Variants in PARD3B observed in about 807,000 individuals in gnomAD.
PARD3B encodes par-3 family cell polarity regulator beta.
In PARD3B, 103 loss-of-function variants were observed where a neutral mutation model predicts 130.2. The ratio of observed to expected loss-of-function variants is 0.79; its 90% confidence interval spans 0.67 to 0.93. The LOEUF (loss-of-function observed/expected upper bound fraction) is 0.93, where lower values mean the gene tolerates loss of function less well. PARD3B is among the 40% of genes least tolerant of loss of function. The pLI, the probability that PARD3B is intolerant of heterozygous loss-of-function variation, is 0.00. For missense variants in PARD3B, 1,609 were observed against 1,499.2 expected (o/e 1.07, Z -1.21); for synonymous variants, 583 against 553.2 (o/e 1.05, Z -0.76).
chr2:205,557,517 C>T (rs1372391609), intron 22 of PARD3B, among the ~76,000 whole-genome samples: 1 of 152,176 alleles, frequency 6.6e-6, no homozygotes, highest in Non-Finnish European at 1.5e-5. Flanking sequence ...GCACTGAGGG[C>T]CTGAGCTCGG....
At chr2:205,162,652 T>C (rs2034570253) in intron 11 of PARD3B, among the ~76,000 whole-genome samples, 2 of 152,226 alleles carry the variant, frequency 1.3e-5, no homozygotes, top group South Asian at 2.1e-4. Context: ...ATGAGAATGA[T>C]TTTCTAAAAT....
chr2:204,721,700 AG>A (rs1375999620), intron 2 of PARD3B, among the ~76,000 whole-genome samples: 2 of 152,148 alleles, frequency 1.3e-5, no homozygotes, highest in Non-Finnish European at 2.9e-5. Context: ...AAAATGGCAA[AG>A]GTATTTTAGT....
At chr2:204,838,024 TGGG>T (rs1195839837) in intron 2 of PARD3B, among the ~76,000 whole-genome samples, 1 of 139,196 alleles carries the variant, frequency 7.2e-6, no homozygotes, top group Non-Finnish European at 1.7e-5. Context: ...CACAGTATAA[TGGG>T]GGGAGAGACA....
intron 20 of PARD3B, among the ~76,000 whole-genome samples, chr2:205,456,834 A>G (rs2048292023): frequency 6.7e-6 from 1 of 149,694 alleles, no homozygotes; most frequent in African/African-American, 2.4e-5. Flanking sequence ...TGTATTAAAT[A>G]TAATCATTTA....
rs1691116755 is a variant in PARD3B, at chr2:204,965,130, GTGT to G, written c.223-16_223-14del. 1 of 1,609,348 alleles carries G rather than the reference GTGT, an allele frequency of 6.2e-7. No homozygotes were observed. The highest frequency in any genetic ancestry group is 1.3e-5 in the African/African-American group (1 of 74,850). ...GTATGCATGTCCTACAAAGTAATTA[GTGT>G]TGTTGGATTTGTTTGTAGCTGATTG... On this transcript the variant is annotated intron_variant, in intron 2 of 22. Coordinates refer to ENST00000406610, the MANE Select transcript of PARD3B (RefSeq NM_001302769.2).
At position 205,391,778 on chromosome 2, in the gene PARD3B, TA is replaced by T. The variant is rs2045867998; in HGVS notation, c.2631-9234del. Among the ~76,000 whole-genome samples, 3 of 152,348 alleles carry T rather than the reference TA, an allele frequency of 2.0e-5. No individual in the cohort carries two copies. The South Asian group carries it at 6.2e-4, about 32-fold the overall frequency. On this transcript the variant is annotated intron_variant, in intron 18 of 22. Coordinates refer to ENST00000406610, the MANE Select transcript of PARD3B (RefSeq NM_001302769.2). The stretch of plus-strand genomic sequence containing the variant: ...TTTGGATCTGAAAATCATACCTTAT[TA>T]GTATCTTTATCTTTCTTGCCCACTC...
chr2:205,176,318 T>C lies in PARD3B; in HGVS notation c.1792-127T>C. ...ATAGGGCCATTTTGAGTTTCCACAG[T>C]TGAGGACTTAAGTGTAATAGACTCT... On this transcript the variant is annotated intron_variant, in intron 12 of 22. Coordinates refer to ENST00000406610, the MANE Select transcript of PARD3B (RefSeq NM_001302769.2). The surrounding 1 kb of genome is among the most constrained non-coding windows in gnomAD (Gnocchi z 5.3). The C allele has an allele frequency of 1.1e-6, 1 of 911,814 alleles. No homozygotes were observed. Among genetic ancestry groups the C allele is most frequent in the South Asian group, 2.1e-5 (1 of 47,198 alleles). The allele number at this position is 911,814 out of a possible 1,614,324, so 56.5% of individuals were successfully genotyped here.
At chr2:205,472,306 C>G (rs561075393) in intron 20 of PARD3B, among the ~76,000 whole-genome samples, 2 of 152,272 alleles carry the variant, frequency 1.3e-5, no homozygotes, top group South Asian at 4.1e-4. Flanking sequence ...CACACACACA[C>G]TTTCTCTTTA....
At chr2:205,597,778 G>A (rs958520174) in intron 22 of PARD3B, among the ~76,000 whole-genome samples, 3 of 152,144 alleles carry the variant, frequency 2.0e-5, no homozygotes, top group Non-Finnish European at 2.9e-5. Context: ...GGCTAGTAGC[G>A]GACTTTCAGC....
chr2:205,354,409 T>C (rs1394213837), intron 18 of PARD3B, among the ~76,000 whole-genome samples: 3 of 151,368 alleles, frequency 2.0e-5, no homozygotes, highest in African/African-American at 4.9e-5. Flanking sequence ...TGTATACATA[T>C]GTAACAAGCC....
intron 2 of PARD3B, among the ~76,000 whole-genome samples, chr2:204,900,609 G>A (rs1405730282): frequency 1.3e-5 from 2 of 152,066 alleles, no homozygotes; most frequent in East Asian, 3.9e-4. Flanking sequence ...AGGTCTCTCC[G>A]GGATTTGTCT....
chr2:204,980,567 T>G (rs1218268294), intron 3 of PARD3B, among the ~76,000 whole-genome samples: 1 of 152,182 alleles, frequency 6.6e-6, no homozygotes, highest in Non-Finnish European at 1.5e-5. Flanking sequence ...TGATCAAGAT[T>G]ATTATCTCCA....
intron 2 of PARD3B, among the ~76,000 whole-genome samples, chr2:204,937,505 G>A (rs539355733): frequency 1.3e-5 from 2 of 152,266 alleles, no homozygotes; most frequent in South Asian, 2.1e-4. Context: ...CTCCAGGATC[G>A]AGTAGCTTCA....
intron 2 of PARD3B, among the ~76,000 whole-genome samples, chr2:204,829,573 A>G (rs373358550): frequency 5.3e-5 from 8 of 152,278 alleles, no homozygotes; most frequent in African/African-American, 1.9e-4. Flanking sequence ...CCCCACCCAA[A>G]TCTCATGTTG....
chr2:204,585,010 G>T (rs2032754482), intron 1 of PARD3B, among the ~76,000 whole-genome samples: 1 of 152,164 alleles, frequency 6.6e-6, no homozygotes, highest in Non-Finnish European at 1.5e-5. Flanking sequence ...CCAGAGACTG[G>T]AGCAACCTTG....
intron 1 of PARD3B, among the ~76,000 whole-genome samples, chr2:204,614,516 AAT>A (rs1322714434): frequency 6.6e-6 from 1 of 152,214 alleles, no homozygotes. Context: ...ATATTACAAA[AAT>A]AGTCACTTCA....
chr2:205,293,418 A>G lies in PARD3B; in HGVS notation c.2186-7112A>G, dbSNP rs1031695682. 3 of 152,228 alleles carry G rather than the reference A, an allele frequency of 2.0e-5. No individual in the cohort carries two copies. In the East Asian group the frequency reaches 5.8e-4, roughly 29 times the overall value. 9.4% of individuals were successfully genotyped at this position (152,228 alleles called of 1,614,324 possible). On this transcript the variant is annotated intron_variant, in intron 16 of 22. Transcript: ENST00000406610. ...GGAAAGAGAGGGAAAAAATCACCGC[A>G]ATGGTCTGTGTTTAGAATATAAAGC...
chr2:205,497,343 G>C (rs1251767032), intron 20 of PARD3B, among the ~76,000 whole-genome samples: 1 of 151,242 alleles, frequency 6.6e-6, no homozygotes, highest in African/African-American at 2.4e-5. Context: ...GCAGCCACAA[G>C]ACAGAGGTAC....
intron 18 of PARD3B, among the ~76,000 whole-genome samples, chr2:205,368,493 G>A (rs849208): frequency 0.79 from 120,015 of 151,852 alleles, 48,424 homozygotes; most frequent in Admixed American, 0.89. Flanking sequence ...TTAGCCGTGC[G>A]TGATGGTGCA....
Sources: gnomAD v4.1 joint callset for allele counts (sites outside exome capture counted in the v4.1 genomes callset) on GRCh38, gnomAD v4.1.1 for gene constraint, Gnocchi (gnomAD v3.1) non-coding constraint, MANE v1.5 for transcripts, NCBI Gene and HGNC (gene_info 2026-07-23, HGNC 2026-07-21) for gene names.